APBA3: variants seen among roughly 807,000 people sequenced by gnomAD.
The protein encoded by APBA3 is amyloid-beta A4 precursor protein-binding family A member 3.
A neutral mutation model predicts 55.9 loss-of-function variants in APBA3; 45 were observed. That is an observed-to-expected ratio of 0.80 (90% CI 0.63 to 1.03). The LOEUF is 1.03. Ranked by LOEUF, APBA3 falls within the 50% of genes least tolerant of loss-of-function variation. The pLI, the probability that APBA3 is intolerant of heterozygous loss-of-function variation, is 0.00. For missense variants in APBA3, 865 were observed against 820.3 expected (o/e 1.05, Z -0.67); for synonymous variants, 370 against 353.3 (o/e 1.05, Z -0.53).
At chr19:3,751,768 C>T (rs2037009243) in intron 8 of APBA3, 2 of 576,974 alleles carry the variant, frequency 3.5e-6, no homozygotes, top group Non-Finnish European at 5.9e-6. Context: ...TTCCTTATGG[C>T]CAAAAGCCAA....
chr19:3,753,895 A>G lies in APBA3; in HGVS notation c.881T>C (p.Ile294Thr). ...EAMMDHALHT[I>T]SYTADIGCVL... ...GCAGCCGATGTCGGCTGTGTAGGAG[A>G]TGGTATGCAGGGCGTGGTCCATCAT... The change falls in exon 6 of 11, where the codon ATC (isoleucine) becomes ACC (threonine). Residue 294 changes from isoleucine to threonine, a missense_variant. Physicochemically the swap from Ile to Thr is moderately conservative, Grantham distance 89 (BLOSUM62 -1). Coordinates refer to ENST00000316757, the MANE Select transcript of APBA3 (RefSeq NM_004886.4). 1.3e-6 allele frequency: 2 copies of G among 1,557,764 alleles called. No individual in the cohort carries two copies. Among genetic ancestry groups the G allele is most frequent in the South Asian group, 1.2e-5 (1 of 85,072 alleles).
chr19:3,758,918 G>A (rs1223148356), intron 3 of APBA3, among the ~76,000 whole-genome samples: 2 of 151,158 alleles, frequency 1.3e-5, no homozygotes, highest in African/African-American at 4.9e-5. Flanking sequence ...GAAAAAAAAA[G>A]TCAATTAAAA....
chr19:3,754,061 G>A lies in APBA3; in HGVS notation c.807C>T (p.Phe269=), dbSNP rs565229318. 7.4e-6 allele frequency: 12 copies of A among 1,610,974 alleles called. No individual in the cohort carries two copies. The South Asian group carries it at 1.2e-4, about 16-fold the overall frequency. ...ETQPMTEVDL[F]VSTKRIKVLT... is the part of the protein sequence containing the mutation. Reference sequence around the variant, plus strand: ...AGACCTTGATCCTCTTGGTGGAGACGAACAGGTCCACCTCCGTCATGGGCT... The same window carrying A: ...AGACCTTGATCCTCTTGGTGGAGACAAACAGGTCCACCTCCGTCATGGGCT... The change falls in exon 5 of 11, where the codon TTC becomes TTT. Residue 269 remains phenylalanine, a synonymous_variant. Coordinates refer to ENST00000316757, the MANE Select transcript of APBA3 (RefSeq NM_004886.4).
At chr19:3,759,532 C>A (rs1054543037) in intron 3 of APBA3, 29 bp downstream of exon 3, 2 of 1,582,862 alleles carry the variant, frequency 1.3e-6, no homozygotes, top group African/African-American at 2.7e-5. Flanking sequence ...GCCTTCAGTG[C>A]CTGAGGCTAG....
intron 3 of APBA3, among the ~76,000 whole-genome samples, chr19:3,757,983 G>A (rs1477760084): frequency 3.3e-5 from 5 of 152,130 alleles, no homozygotes; most frequent in African/African-American, 1.2e-4. Flanking sequence ...TGCCCAGGCT[G>A]GAGTGCAATG....
Position 3,750,821 on chromosome 19 carries a change from CTAGTGG to C in APBA3, c.*199_*204del, listed in dbSNP as rs2036986071. On this transcript the variant is annotated 3_prime_UTR_variant, in exon 11 of 11. Coordinates refer to ENST00000316757, the MANE Select transcript of APBA3 (RefSeq NM_004886.4). ...CAGAGTATTTTCACAGCACCGGCTT[CTAGTGG>C]CTTCCAGGAAGGACAAGGTCCTCGG... 118 of 982,184 alleles carry C rather than the reference CTAGTGG, an allele frequency of 1.2e-4. 1 individual carries two copies. In the South Asian group the frequency reaches 1.6e-3, roughly 14 times the overall value. The allele number at this position is 982,184 out of a possible 1,614,324, so 60.8% of individuals were successfully genotyped here. A position where few individuals can be genotyped will look rare whatever the true frequency, so the allele number is the denominator to read the frequency against.
In APBA3 at chr19:3,758,607, T is replaced by A. The variant is rs370264002; in HGVS notation, c.616+954A>T. On this transcript the variant is annotated intron_variant, in intron 3 of 10. Transcript: ENST00000316757. ...AGAAATAGTATTCTTTGGCCAGGCG[T>A]GGTGGCTCACGCTTGTAATCCTAGC... 4.6e-5 allele frequency among the ~76,000 whole-genome samples: 7 copies of A among 152,230 alleles called. No homozygotes were observed. In the East Asian group the frequency reaches 5.8e-4, roughly 13 times the overall value.
intron 2 of APBA3, 21 bp downstream of exon 2, chr19:3,759,668 G>C: frequency 6.2e-7 from 1 of 1,610,382 alleles, no homozygotes; most frequent in Non-Finnish European, 8.5e-7. Context: ...CAGGATGCCT[G>C]GAGGGCGGGG....
chr19:3,753,097 A>G, intron 6 of APBA3, 107 bp from the exon 7 acceptor site: 1 of 1,306,090 alleles, frequency 7.7e-7, no homozygotes, highest in Non-Finnish European at 1.0e-6. Context: ...ACCTGGGGTG[A>G]GAGTCCCAGG....
At chr19:3,756,372 G>A (rs1354925590) in intron 3 of APBA3, 1 of 151,996 alleles carries the variant, frequency 6.6e-6, no homozygotes, top group Admixed American at 6.6e-5. Flanking sequence ...CCAGCTACTC[G>A]GGAGGCTAAG....
chr19:3,753,043 C>T (rs916914531), intron 6 of APBA3, 53 bp from the exon 7 acceptor site: 2 of 1,586,430 alleles, frequency 1.3e-6, no homozygotes, highest in Admixed American at 1.7e-5. Flanking sequence ...TCCTCCAGGT[C>T]CCCAAAGTCC....
rs759484972 is a variant in APBA3, at chr19:3,752,740, C to T, written c.1183-20G>A. ...GTGCACCTGGGACACACAGGGGGCG[C>T]GGAGGCTGCTCAGCAGGGCCCGGTG... On this transcript the variant is annotated intron_variant, in intron 7 of 10. Transcript: ENST00000316757. The T allele has an allele frequency of 2.0e-5, 32 of 1,605,482 alleles. No individual in the cohort carries two copies. The highest frequency in any genetic ancestry group is 4.5e-5 in the East Asian group (2 of 44,726).
intron 3 of APBA3, among the ~76,000 whole-genome samples, chr19:3,758,748 A>AT (rs2037108584): frequency 6.6e-6 from 1 of 150,506 alleles, no homozygotes; most frequent in African/African-American, 2.4e-5. Flanking sequence ...CGTGGTGGCG[A>AT]GCACCTGTAA....
chr19:3,751,226 G>A lies in APBA3; in HGVS notation c.1619C>T (p.Ala540Val), dbSNP rs1261176229. The A allele has an allele frequency of 6.5e-7, 1 of 1,549,156 alleles. No homozygotes were observed. The highest frequency in any genetic ancestry group is 8.7e-7 in the Non-Finnish European group (1 of 1,148,456). ...NGQSVVATPHARIIELLTEAY... is the reference protein window; with the variant it reads ...NGQSVVATPHVRIIELLTEAY... ...CTCGGTGAGCAGCTCGATGATGCGG[G>A]CGTGTGGCGTGGCCACCACACTCTG... is the stretch of plus-strand genomic sequence containing the variant. The change falls in exon 10 of 11, where the codon GCC becomes GTC. Residue 540 changes from alanine (A) to valine (V), a missense_variant. By Grantham distance (64) the Ala-to-Val change is moderately conservative. Transcript: ENST00000316757.
intron 8 of APBA3, 124 bp downstream of exon 8, chr19:3,752,384 G>A: frequency 2.2e-6 from 2 of 892,876 alleles, no homozygotes; most frequent in Non-Finnish European, 3.3e-6. Context: ...CAGTGGGCAG[G>A]ACTTAAAAGT....
chr19:3,753,963 C>T (rs753830017), intron 5 of APBA3, 37 bp from the exon 6 acceptor site: 110 of 1,564,100 alleles, frequency 7.0e-5, no homozygotes, highest in Middle Eastern at 1.7e-4. Flanking sequence ...GGTTGGGGGG[C>T]CGTGCCAGGC....
In APBA3 at chr19:3,752,824, C is replaced by T. The variant is rs760358684; in HGVS notation, c.1178G>A (p.Arg393Gln). 4.7e-5 allele frequency: 76 copies of T among 1,612,932 alleles called. No homozygotes were observed. Among genetic ancestry groups the T allele is most frequent in the East Asian group, 1.3e-4 (6 of 44,868 alleles). Reference protein sequence around the residue: ...LDHFSNSDNCREVHLEKRRGE... With the variant: ...LDHFSNSDNCQEVHLEKRRGE... ...GCTGCCCAGCACCTCACTCACCTCC[C>T]GGCAGTTGTCACTGTTGGAGAAGTG... Residue 393 changes from arginine to glutamine, a missense_variant, in exon 7 of 11, where the codon CGG becomes CAG. Physicochemically the swap from Arg to Gln is conservative, Grantham distance 43. Coordinates refer to ENST00000316757, the MANE Select transcript of APBA3 (RefSeq NM_004886.4).
intron 3 of APBA3, among the ~76,000 whole-genome samples, chr19:3,759,163 A>T (rs2037113368): frequency 6.6e-6 from 1 of 152,182 alleles, no homozygotes; most frequent in Non-Finnish European, 1.5e-5. Context: ...TGGGAGATGG[A>T]GGTTGCAGTG....
chr19:3,752,659 C>T lies in APBA3; in HGVS notation c.1244G>A (p.Gly415Asp), dbSNP rs749859490. ...LGVALVESGW[G>D]SLLPTAVIAN... ...GATGACGGCTGTGGGCAGCAGGGAG[C>T]CCCAGCCCGACTCCACCAGGGCCAC... is the stretch of plus-strand genomic sequence containing the variant. The change falls in exon 8 of 11, where the codon GGC becomes GAC. Residue 415 changes from glycine (G) to aspartate (D), a missense_variant. Physicochemically the swap from Gly to Asp is moderately conservative, Grantham distance 94 (BLOSUM62 -1). Coordinates refer to ENST00000316757, the MANE Select transcript of APBA3 (RefSeq NM_004886.4). 9 of 1,590,182 alleles carry T rather than the reference C, an allele frequency of 5.7e-6. No homozygotes were observed. In the East Asian group the frequency reaches 1.6e-4, roughly 28 times the overall value.
Sources: allele counts gnomAD v4.1 joint callset (sites outside exome capture counted in the v4.1 genomes callset), GRCh38; gene constraint gnomAD v4.1.1; transcripts MANE v1.5; gene names NCBI Gene and HGNC (gene_info 2026-07-23, HGNC 2026-07-21).